NAV2: variants seen among roughly 807,000 people sequenced by gnomAD.
NAV2 encodes the protein neuron navigator 2, also known as helicase, APC down-regulated 1.
NAV2 carries 54 observed loss-of-function variants against 223.2 expected under a neutral mutation model. That is an observed-to-expected ratio of 0.24 (90% confidence interval 0.19 to 0.30). The LOEUF is 0.30. NAV2 is among the 10% of genes least tolerant of loss of function. The probability of loss-of-function intolerance (pLI) is 1.00; values close to 1 mark genes in which losing one functional copy is unlikely to be tolerated. For synonymous variants in NAV2, 1,279 were observed against 1,239.3 expected (o/e 1.03, Z -0.67); for missense variants, 2,806 against 3,147.5 (o/e 0.89, Z 2.60).
intron 1 of NAV2, among the ~76,000 whole-genome samples, chr11:19,419,704 T>C (rs1850530424): frequency 6.6e-6 from 1 of 152,152 alleles, no homozygotes. Context: ...CAGTCCACCA[T>C]AATGAAACTG....
intron 3 of NAV2, among the ~76,000 whole-genome samples, chr11:19,856,809 G>T (rs914671943): frequency 6.6e-6 from 1 of 152,236 alleles, no homozygotes; most frequent in Non-Finnish European, 1.5e-5. Context: ...GAGCATTAAT[G>T]CATTCAAAGG....
rs1168562680 is a variant in NAV2 at position 19,657,673 on chromosome 11, G to T, written c.76-174811G>T. 3.3e-5 allele frequency among the ~76,000 whole-genome samples: 5 copies of T among 152,170 alleles called. No homozygotes were observed. The South Asian group carries it at 8.3e-4, about 25-fold the overall frequency. On this transcript the variant is annotated intron_variant, in intron 1 of 37. Coordinates refer to the NAV2 transcript ENST00000360655. ...CAGATGTGGAGGGCCTTGAGGGAAA[G>T]ACTGTGCTAATGTCCCTCACCCTCC...
intron 1 of NAV2, among the ~76,000 whole-genome samples, chr11:19,633,022 G>C (rs917238665): frequency 1.3e-5 from 2 of 152,096 alleles, no homozygotes; most frequent in African/African-American, 4.8e-5. Context: ...ACTGTACTAC[G>C]ACTGTCTATT....
intron 1 of NAV2, among the ~76,000 whole-genome samples, chr11:19,544,517 C>T (rs1409469074): frequency 6.6e-6 from 1 of 152,206 alleles, no homozygotes; most frequent in Non-Finnish European, 1.5e-5. Flanking sequence ...ATATTCCACA[C>T]ATGGGAAATT....
chr11:19,776,985 C>A (rs955022280), intron 1 of NAV2, among the ~76,000 whole-genome samples: 3 of 151,318 alleles, frequency 2.0e-5, no homozygotes, highest in Non-Finnish European at 3.0e-5. Flanking sequence ...GACCATCTTT[C>A]CCCCTTCGCG....
intron 1 of NAV2, among the ~76,000 whole-genome samples, chr11:19,720,752 A>G (rs2050689044): frequency 6.6e-6 from 1 of 152,196 alleles, no homozygotes; most frequent in African/African-American, 2.4e-5. Flanking sequence ...AATCCTCACA[A>G]CATCCCATGA....
chr11:19,382,290 C>CT (rs1458446596), intron 1 of NAV2, among the ~76,000 whole-genome samples: 1 of 152,154 alleles, frequency 6.6e-6, no homozygotes, highest in Non-Finnish European at 1.5e-5. Context: ...CTATAGAATT[C>CT]TTTTTCTTTC....
intron 1 of NAV2, among the ~76,000 whole-genome samples, chr11:19,584,622 TC>T (rs2045832807): frequency 6.6e-6 from 1 of 152,246 alleles, no homozygotes; most frequent in Non-Finnish European, 1.5e-5. Flanking sequence ...ATTTCTGCCT[TC>T]ATTTCGTTAT....
intron 32 of NAV2, among the ~76,000 whole-genome samples, chr11:20,102,141 C>A (rs1220480926): frequency 6.6e-6 from 1 of 152,130 alleles, no homozygotes; most frequent in Non-Finnish European, 1.5e-5. Flanking sequence ...TAGGGAACTT[C>A]TCCTGGGACC....
At chr11:19,449,443 C>T (rs1175706907) in intron 1 of NAV2, among the ~76,000 whole-genome samples, 1 of 152,034 alleles carries the variant, frequency 6.6e-6, no homozygotes, top group Non-Finnish European at 1.5e-5. Flanking sequence ...GCCACAGGCC[C>T]ACAGGCAGAA....
intron 36 of NAV2, among the ~76,000 whole-genome samples, chr11:20,109,315 A>T (rs576284324): frequency 6.6e-6 from 1 of 152,360 alleles, no homozygotes; most frequent in Admixed American, 6.5e-5. Flanking sequence ...GCAAGAAATT[A>T]GGCAACTTTT....
intron 1 of NAV2, among the ~76,000 whole-genome samples, chr11:19,631,902 A>G (rs971175033): frequency 2.6e-5 from 4 of 152,186 alleles, no homozygotes; most frequent in South Asian, 2.1e-4. Flanking sequence ...CAGTTGTGCA[A>G]TTTTTATTTC....
intron 1 of NAV2, among the ~76,000 whole-genome samples, chr11:19,747,491 T>C (rs2053472558): frequency 6.6e-6 from 1 of 152,172 alleles, no homozygotes. Flanking sequence ...TCATTACACA[T>C]TGTCAACACT....
intron 18 of NAV2, among the ~76,000 whole-genome samples, chr11:20,054,780 G>A (rs1274549832): frequency 6.6e-6 from 1 of 152,184 alleles, no homozygotes; most frequent in African/African-American, 2.4e-5. Context: ...TGGCACAGTG[G>A]GGAAAGGAAA....
chr11:19,867,248 C>T (rs2062153666), intron 3 of NAV2, among the ~76,000 whole-genome samples: 3 of 152,194 alleles, frequency 2.0e-5, no homozygotes, highest in Admixed American at 1.3e-4. Context: ...TTTCCCCTCC[C>T]TCATTCCCTC....
intron 4 of NAV2, among the ~76,000 whole-genome samples, chr11:19,878,098 G>A (rs1032869620): frequency 6.6e-5 from 10 of 152,188 alleles, no homozygotes; most frequent in African/African-American, 2.4e-4. Flanking sequence ...ACATCACACA[G>A]AGTGGTTTAT....
At position 20,107,779 on chromosome 11, in the gene NAV2, C is replaced by T; in HGVS notation, c.6957C>T (p.Leu2319=). The T allele has an allele frequency of 6.2e-7, 1 of 1,607,618 alleles. No homozygotes were observed. Among genetic ancestry groups the T allele is most frequent in the Non-Finnish European group, 8.5e-7 (1 of 1,174,064 alleles). ...PYLLEAVREG[L]QLYGRRAPWE... is the part of the protein sequence containing the mutation. Reference sequence around the variant, plus strand: ...TCCTGGAAGCCGTCAGAGAAGGACTCCAGGTGAGAAGACACCCCTGCTGGC... The same window carrying T: ...TCCTGGAAGCCGTCAGAGAAGGACTTCAGGTGAGAAGACACCCCTGCTGGC... Residue 2319 remains leucine, a synonymous_variant, in exon 36 of 38, where the codon CTC becomes CTT. Coordinates refer to ENST00000349880, the MANE Select transcript of NAV2 (RefSeq NM_145117.5).
chr11:19,612,548 C>G (rs1479710632), intron 1 of NAV2, among the ~76,000 whole-genome samples: 1 of 152,208 alleles, frequency 6.6e-6, no homozygotes, highest in East Asian at 1.9e-4. Flanking sequence ...AATCATCTCT[C>G]TCAAGTTCAA....
At chr11:19,764,031 T>C (rs2054999696) in intron 1 of NAV2, among the ~76,000 whole-genome samples, 1 of 152,162 alleles carries the variant, frequency 6.6e-6, no homozygotes, top group Non-Finnish European at 1.5e-5. Context: ...AAAAACAAAA[T>C]AGAAGTAGTG....
Sources: gnomAD v4.1 joint callset for allele counts (sites outside exome capture counted in the v4.1 genomes callset) on GRCh38, gnomAD v4.1.1 for gene constraint, MANE v1.5 for transcripts, NCBI Gene and HGNC (gene_info 2026-07-23, HGNC 2026-07-21) for gene names.